Variants in MOK observed in about 807,000 individuals in gnomAD.
The protein encoded by MOK is MAPK/MAK/MRK overlapping kinase.
Under a neutral mutation model 54.2 loss-of-function variants are expected in MOK, and 59 were observed. The ratio of observed to expected loss-of-function variants is 1.09; its 90% CI spans 0.88 to 1.35. The LOEUF is 1.35. MOK is among the 40% of genes most tolerant of loss of function. MOK has a pLI of 0.00. For missense variants in MOK, 517 were observed against 526.2 expected (o/e 0.98, Z 0.17); for synonymous variants, 210 against 202.7 (o/e 1.04, Z -0.31).
intron 4 of MOK, among the ~76,000 whole-genome samples, chr14:102,261,832 C>T (rs1437001343): frequency 2.6e-5 from 4 of 151,360 alleles, no homozygotes; most frequent in African/African-American, 7.3e-5. Context: ...CCACCACGCC[C>T]GGCCTTTTTT....
rs1401838468 is a variant in MOK, at chr14:102,249,477, A to C, written c.590+1335T>G. Among the ~76,000 whole-genome samples, 2 of 152,326 alleles carry C rather than the reference A, an allele frequency of 1.3e-5. No homozygotes were observed. Among genetic ancestry groups the C allele is most frequent in the Admixed American group, 6.5e-5 (1 of 15,302 alleles). On this transcript the variant is annotated intron_variant, in intron 7 of 11. Coordinates refer to ENST00000361847, the MANE Select transcript of MOK (RefSeq NM_014226.3). This position sits in a 1 kb window ranked among gnomAD's most constrained non-coding sequence, Gnocchi z 5.3. ...GTAATCCCAGCACTTTGGGAGGCTG[A>C]GGCAGGCGGATTACCTGAAGTCAGG...
chr14:102,276,750 C>T (rs2068900270), intron 2 of MOK, among the ~76,000 whole-genome samples: 1 of 149,506 alleles, frequency 6.7e-6, no homozygotes. Flanking sequence ...GAGATCATGC[C>T]AGTGCCCTCC....
chr14:102,292,561 C>T (rs747707134), intron 1 of MOK, among the ~76,000 whole-genome samples: 1 of 152,102 alleles, frequency 6.6e-6, no homozygotes, highest in African/African-American at 2.4e-5. Flanking sequence ...GCTCTGGATT[C>T]CAATCTTCCA....
At chr14:102,298,614 C>T (rs10162430) in intron 1 of MOK, among the ~76,000 whole-genome samples, 2 of 148,676 alleles carry the variant, frequency 1.3e-5, no homozygotes, top group African/African-American at 5.2e-5. Flanking sequence ...CTCTGTAAAA[C>T]AGACCAATTG....
intron 1 of MOK, among the ~76,000 whole-genome samples, chr14:102,297,813 C>T (rs1018533668): frequency 1.3e-5 from 2 of 152,168 alleles, no homozygotes; most frequent in South Asian, 2.1e-4. Flanking sequence ...CGGGCAGTGA[C>T]GGGTTTAGCA....
At chr14:102,294,403 G>A (rs1052164979) in intron 1 of MOK, among the ~76,000 whole-genome samples, 10 of 147,166 alleles carry the variant, frequency 6.8e-5, no homozygotes, top group Non-Finnish European at 1.2e-4. Flanking sequence ...CCGAGATAGC[G>A]CCACTGCACT....
downstream of MOK, chr14:102,226,191 C>A (rs987355250): frequency 1.6e-6 from 1 of 611,040 alleles, no homozygotes; most frequent in Non-Finnish European, 2.9e-6. The surrounding 1 kb of genome is among the most constrained non-coding windows in gnomAD (Gnocchi z 4.8). Flanking sequence ...CAAGGCCTGC[C>A]CCCGCCAGTG....
chr14:102,253,674 G>T (rs377765649), intron 4 of MOK, among the ~76,000 whole-genome samples: 1 of 152,196 alleles, frequency 6.6e-6, no homozygotes. Context: ...TTTCTACCGT[G>T]CTTGAAGACG....
chr14:102,275,127 T>C (rs929360879), intron 2 of MOK, among the ~76,000 whole-genome samples: 2 of 152,234 alleles, frequency 1.3e-5, no homozygotes, highest in East Asian at 1.9e-4. Context: ...CCTATACTTT[T>C]ACAGTCAATT....
intron 2 of MOK, among the ~76,000 whole-genome samples, chr14:102,282,679 A>G (rs545856318): frequency 5.9e-4 from 90 of 152,252 alleles, no homozygotes; most frequent in African/African-American, 2.1e-3. Context: ...GGCTGCAGTG[A>G]GCCAAGATCG....
chr14:102,277,772 G>T (rs1307285216), intron 2 of MOK, among the ~76,000 whole-genome samples: 3 of 152,118 alleles, frequency 2.0e-5, no homozygotes, highest in Non-Finnish European at 4.4e-5. Flanking sequence ...AACTTTCTAG[G>T]GTTATAGTAA....
In MOK at chr14:102,231,514, G is replaced by A. The variant is rs749254878; in HGVS notation, c.981+193C>T. 1 of 547,920 alleles carries A rather than the reference G, an allele frequency of 1.8e-6. No individual in the cohort carries two copies. The highest frequency in any genetic ancestry group is 3.3e-6 in the Non-Finnish European group (1 of 304,582). The allele number at this position is 547,920 out of a possible 1,614,324, so 33.9% of individuals were successfully genotyped here. A position where few individuals can be genotyped will look rare whatever the true frequency, so the allele number is the denominator to read the frequency against. Reference sequence around the variant, plus strand: ...TTAGCTACTGGGGCAGAAAGGGCTTGAGCAAATAGAACTGGGGTCCCTGAT... The same window carrying A: ...TTAGCTACTGGGGCAGAAAGGGCTTAAGCAAATAGAACTGGGGTCCCTGAT... On this transcript the variant is annotated intron_variant, in intron 10 of 11. Transcript: ENST00000361847. This position sits in a 1 kb window ranked among gnomAD's most constrained non-coding sequence, Gnocchi z 4.4.
chr14:102,256,699 C>T (rs1302488001), intron 4 of MOK, among the ~76,000 whole-genome samples: 5 of 150,184 alleles, frequency 3.3e-5, no homozygotes, highest in Admixed American at 6.6e-5. Context: ...CTGCACCTGG[C>T]CCTATGAATT....
At chr14:102,251,607 C>A in intron 6 of MOK, 149 bp downstream of exon 6, 1 of 715,962 alleles carries the variant, frequency 1.4e-6, no homozygotes. Context: ...CCATTTTTTA[C>A]AACCTGAGAG....
At position 102,229,547 on chromosome 14, in the gene MOK, G is replaced by A. The variant is rs770917264; in HGVS notation, c.1092C>T (p.Ser364=). 3.7e-6 allele frequency: 6 copies of A among 1,614,178 alleles called. No homozygotes were observed. The highest frequency in any genetic ancestry group is 3.4e-6 in the Non-Finnish European group (4 of 1,180,038). ...CAAGCACGGACTGCAGCGTGGGGCT[G>A]GAGTAAGACGACAGTCTGACCACTC... ...LSGVVRLSSY[S]SPTLQSVLGS... The change falls in exon 11 of 12, where the codon TCC becomes TCT. Residue 364 remains serine, a synonymous_variant. Transcript: ENST00000361847.
chr14:102,220,461 C>T (rs535381760), downstream of MOK, among the ~76,000 whole-genome samples: 63 of 152,316 alleles, frequency 4.1e-4, no homozygotes, highest in African/African-American at 1.5e-3. This position sits in a 1 kb window ranked among gnomAD's most constrained non-coding sequence, Gnocchi z 4.2. Flanking sequence ...CGGTGGCTCA[C>T]GCCTGTAATC....
intron 1 of MOK, among the ~76,000 whole-genome samples, chr14:102,303,424 G>A (rs1301072391): frequency 6.6e-6 from 1 of 151,982 alleles, no homozygotes; most frequent in Non-Finnish European, 1.5e-5. Context: ...GGCCTACAGA[G>A]GACAGCCAAA....
rs751323027 is a variant in MOK at position 102,265,951 on chromosome 14, T to G, written c.123-39A>C. The G allele has an allele frequency of 3.5e-6, 5 of 1,412,818 alleles. No individual in the cohort carries two copies. The East Asian group carries it at 1.1e-4, about 32-fold the overall frequency. The allele number at this position is 1,412,818 out of a possible 1,614,324, so 87.5% of individuals were successfully genotyped here. ...AAAAATGGATAGCTCATTCACAGTT[T>G]AGGTCAACTTCAAAATTAGAGTTAC... On this transcript the variant is annotated intron_variant, in intron 2 of 11. Coordinates refer to ENST00000361847, the MANE Select transcript of MOK (RefSeq NM_014226.3).
Position 102,305,064 on chromosome 14 carries a change from G to T in MOK, c.-96C>A. On this transcript the variant is annotated 5_prime_UTR_variant, in exon 1 of 12. Transcript: ENST00000361847. The stretch of plus-strand genomic sequence containing the variant: ...CCCCTGCTTTCCACTTCCCTGAGGC[G>T]GGGTCCCGCACTAGGATCTCCGTGG... 1 of 1,441,300 alleles carries T rather than the reference G, an allele frequency of 6.9e-7. No individual in the cohort carries two copies. Among genetic ancestry groups the T allele is most frequent in the Non-Finnish European group, 9.6e-7 (1 of 1,044,100 alleles). The allele number at this position is 1,441,300 out of a possible 1,614,324, so 89.3% of individuals were successfully genotyped here. A position where few individuals can be genotyped will look rare whatever the true frequency, so the allele number is the denominator to read the frequency against.
Sources: gnomAD v4.1 joint callset for allele counts (sites outside exome capture counted in the v4.1 genomes callset) on GRCh38, gnomAD v4.1.1 for gene constraint, Gnocchi (gnomAD v3.1) non-coding constraint, MANE v1.5 for transcripts, NCBI Gene and HGNC (gene_info 2026-07-23, HGNC 2026-07-21) for gene names.